Variants in LRR1 observed in about 807,000 individuals in gnomAD.
LRR1 encodes the protein leucine-rich repeat protein 1.
In LRR1, 29 loss-of-function variants were observed where a neutral mutation model predicts 31.6. The ratio of observed to expected loss-of-function variants is 0.92; its 90% CI spans 0.68 to 1.25. LRR1 has a LOEUF of 1.25. LRR1 is among the 50% of genes most tolerant of loss of function. The pLI, the probability that LRR1 is intolerant of heterozygous loss-of-function variation, is 0.00. For missense variants in LRR1, 485 were observed against 487.2 expected, an observed-to-expected ratio of 1.00 and a Z score of 0.04; for synonymous variants, 179 against 181.4, an observed-to-expected ratio of 0.99 and a Z score of 0.10.
At position 49,599,017 on chromosome 14, in the gene LRR1, C is replaced by T; in HGVS notation, c.-4C>T. The T allele has an allele frequency of 6.2e-7, 1 of 1,603,550 alleles. No individual in the cohort carries two copies. The highest frequency in any genetic ancestry group is 8.5e-7 in the Non-Finnish European group (1 of 1,174,768). ...GCTTGACGTGGTTGTGGCCGTTGGG[C>T]GAGATGAAGCTACACTGTGAGGTGG... On this transcript the variant is annotated 5_prime_UTR_variant, in exon 1 of 4. Transcript: ENST00000298288.
At position 49,599,039 on chromosome 14, in the gene LRR1, G is replaced by C; in HGVS notation, c.19G>C (p.Val7Leu). The C allele has an allele frequency of 6.2e-7, 1 of 1,609,640 alleles. No homozygotes were observed. Among genetic ancestry groups the C allele is most frequent in the South Asian group, 1.1e-5 (1 of 90,240 alleles). MKLHCE[V>L]EVISRHLPAL... ...GGGCGAGATGAAGCTACACTGTGAG[G>C]TGGAGGTGATCAGCCGGCACTTGCC... The change falls in exon 1 of 4, where the codon GTG (valine) becomes CTG (leucine). Residue 7 changes from valine (V) to leucine (L), a missense_variant. Physicochemically the swap from Val to Leu is conservative, Grantham distance 32. Coordinates refer to ENST00000298288, the MANE Select transcript of LRR1 (RefSeq NM_152329.4).
chr14:49,614,221 A>G (rs369995432), intron 3 of LRR1, 35 bp from the exon 4 acceptor site: 55 of 1,582,990 alleles, frequency 3.5e-5, no homozygotes, highest in Non-Finnish European at 4.6e-5. Context: ...ATCTAGTAAC[A>G]TGTTATAAAA....
chr14:49,611,913 G>A (rs1384117661), intron 3 of LRR1, among the ~76,000 whole-genome samples: 1 of 132,458 alleles, frequency 7.5e-6, no homozygotes, highest in Non-Finnish European at 1.6e-5. Flanking sequence ...TGCAGAGTGA[G>A]ACTGCGTCTC....
chr14:49,602,940 A>G (rs556376980), intron 2 of LRR1, among the ~76,000 whole-genome samples: 5 of 151,682 alleles, frequency 3.3e-5, no homozygotes, highest in African/African-American at 1.2e-4. Context: ...GGTTCAAACA[A>G]TTCTCCTGCC....
At chr14:49,607,242 T>G (rs970693018) in intron 2 of LRR1, among the ~76,000 whole-genome samples, 158 bp from the exon 3 acceptor site, 16 of 152,136 alleles carry the variant, frequency 1.1e-4, no homozygotes, top group African/African-American at 3.6e-4. Context: ...ACTTGAAATT[T>G]AGTCAAAATA....
rs1882004393 is a variant in LRR1, at chr14:49,600,296, G to A, written c.183+1093G>A. 7.4e-6 allele frequency: 11 copies of A among 1,492,540 alleles called. No homozygotes were observed. In the South Asian group the frequency reaches 1.0e-4, roughly 14 times the overall value. 92.5% of individuals were successfully genotyped at this position (1,492,540 alleles called of 1,614,324 possible). A position where few individuals can be genotyped will look rare whatever the true frequency, so the allele number is the denominator to read the frequency against. ...CAGCCTCATTTCAAAATGTGAGGGA[G>A]GAGTGGGTACCGGAACTTAAGGAAT... On this transcript the variant is annotated intron_variant, in intron 1 of 3. Coordinates refer to ENST00000298288, the MANE Select transcript of LRR1 (RefSeq NM_152329.4).
chr14:49,611,228 G>A (rs1439167315), intron 3 of LRR1, among the ~76,000 whole-genome samples: 2 of 152,192 alleles, frequency 1.3e-5, no homozygotes, highest in Admixed American at 6.5e-5. Context: ...TGTAACCCCA[G>A]CACTTTGGGA....
At chr14:49,599,864 C>CG (rs1881977410) in intron 1 of LRR1, 13 of 444,206 alleles carry the variant, frequency 2.9e-5, no homozygotes, top group South Asian at 1.0e-4. Flanking sequence ...TGCTTGGGGC[C>CG]GGGGGGGCGG....
intron 1 of LRR1, among the ~76,000 whole-genome samples, chr14:49,602,026 A>G (rs1002253283): frequency 6.6e-6 from 1 of 151,254 alleles, no homozygotes; most frequent in Non-Finnish European, 1.5e-5. Context: ...CGAGCTACTC[A>G]GGAGGCTGAG....
rs1882344938 is a variant in LRR1, at chr14:49,607,847, C to T, written c.730C>T (p.Gln244Ter). 1 of 1,613,770 alleles carries T rather than the reference C, an allele frequency of 6.2e-7. No homozygotes were observed. The highest frequency in any genetic ancestry group is 1.1e-5 in the South Asian group (1 of 91,080). The change falls in exon 3 of 4, where the codon CAG becomes TAG. Residue 244 changes from glutamine to a stop codon, truncating the protein, a stop_gained. Coordinates refer to ENST00000298288, the MANE Select transcript of LRR1 (RefSeq NM_152329.4). LOFTEE classifies it high-confidence loss of function. Reference sequence around the variant, plus strand: ...GAACAAAATCAAGGCACTCCCTGTGCAGTTTTGCCAGCTCCAGGAACTTAA... The same window carrying T: ...GAACAAAATCAAGGCACTCCCTGTGTAGTTTTGCCAGCTCCAGGAACTTAA... ...SKNKIKALPVQFCQLQELKNL... is the reference protein window; with the variant it reads ...SKNKIKALPV
chr14:49,606,814 G>A (rs547880772), intron 2 of LRR1, among the ~76,000 whole-genome samples: 6 of 150,992 alleles, frequency 4.0e-5, no homozygotes, highest in South Asian at 4.2e-4. Flanking sequence ...GCACTACCAC[G>A]CCCAGCTAAT....
chr14:49,601,549 G>A (rs1882052065), intron 1 of LRR1: 1 of 1,137,886 alleles, frequency 8.8e-7, no homozygotes, highest in South Asian at 1.3e-5. Flanking sequence ...TAGCACTCAG[G>A]ATAGAATAGC....
chr14:49,600,636 A>C (rs974884960), intron 1 of LRR1: 3 of 1,483,916 alleles, frequency 2.0e-6, no homozygotes, highest in Non-Finnish European at 1.8e-6. Flanking sequence ...GTGGCCAAGG[A>C]AACTGTCCAT....
chr14:49,599,961 G>T (rs1233782908), intron 1 of LRR1: 1 of 1,545,970 alleles, frequency 6.5e-7, no homozygotes, highest in East Asian at 2.3e-5. Context: ...GCTCCGGGGG[G>T]ACCATGCCCG....
chr14:49,599,196 G>C lies in LRR1; in HGVS notation c.176G>C (p.Arg59Pro). The change falls in exon 1 of 4, where the codon CGC becomes CCC. Residue 59 changes from arginine to proline, a missense_variant. Physicochemically the swap from Arg to Pro is moderately radical, Grantham distance 103. This residue lies in a region of LRR1 where 260 missense variants were observed against 249.6 expected (regional missense o/e 1.04). Transcript: ENST00000298288. Reference protein sequence around the residue: ...ISTLKDKRGTRYELRENIEQF... With the variant: ...ISTLKDKRGTPYELRENIEQF... ...ACCCTGAAGGACAAGCGCGGGACCC[G>C]CTATGAGGTGCGTGAAGTGGGCAGG... 2.5e-6 allele frequency: 4 copies of C among 1,604,104 alleles called. No homozygotes were observed. In the South Asian group the frequency reaches 4.5e-5, roughly 18 times the overall value.
chr14:49,604,491 G>T (rs902894947), intron 2 of LRR1, among the ~76,000 whole-genome samples: 3 of 152,036 alleles, frequency 2.0e-5, no homozygotes, highest in African/African-American at 7.3e-5. Flanking sequence ...CTTGAATCCA[G>T]GTGTTCAAGA....
rs780547098 is a variant in LRR1, at chr14:49,599,216, G to A, written c.183+13G>A. 2.5e-6 allele frequency: 4 copies of A among 1,589,844 alleles called. No individual in the cohort carries two copies. The highest frequency in any genetic ancestry group is 3.4e-6 in the Non-Finnish European group (4 of 1,167,240). ...GACCCGCTATGAGGTGCGTGAAGTG[G>A]GCAGGCCCTGTCAGTCTCGCGTTCT... On this transcript the variant is annotated intron_variant, in intron 1 of 3. Transcript: ENST00000298288.
At chr14:49,599,959 G>C in intron 1 of LRR1, 1 of 1,539,448 alleles carries the variant, frequency 6.5e-7, no homozygotes, top group Non-Finnish European at 8.8e-7. Flanking sequence ...GGGCTCCGGG[G>C]GGACCATGCC....
At chr14:49,610,303 TGC>T (rs1183283911) in intron 3 of LRR1, among the ~76,000 whole-genome samples, 6 of 15,760 alleles carry the variant, frequency 3.8e-4, no homozygotes, top group African/African-American at 1.5e-3. Flanking sequence ...TGGAGTGCAG[TGC>T]GCAAGCGGCT....
Sources: allele counts gnomAD v4.1 joint callset (sites outside exome capture counted in the v4.1 genomes callset), GRCh38; gene constraint gnomAD v4.1.1; regional missense constraint gnomAD v4.1.1; transcripts MANE v1.5; gene names NCBI Gene and HGNC (gene_info 2026-07-23, HGNC 2026-07-21).